GALNTL6: variants seen among roughly 807,000 people sequenced by gnomAD.
GALNTL6 encodes the protein polypeptide N-acetylgalactosaminyltransferase-like 6.
In GALNTL6, 46 loss-of-function variants were observed where a neutral mutation model predicts 73.7. The ratio of observed to expected loss-of-function variants is 0.62; its 90% confidence interval spans 0.49 to 0.80. GALNTL6 has a LOEUF of 0.80. Ranked by LOEUF, GALNTL6 falls within the 30% of genes least tolerant of loss-of-function variation. The pLI, the probability that GALNTL6 is intolerant of heterozygous loss-of-function variation, is 0.00. For synonymous variants in GALNTL6, 259 were observed against 263.7 expected, an observed-to-expected ratio of 0.98 and a Z score of 0.17; for missense variants, 604 against 755.0, an observed-to-expected ratio of 0.80 and a Z score of 2.34.
At chr4:173,008,698 A>G (rs2126491458) in intron 10 of GALNTL6, among the ~76,000 whole-genome samples, 1 of 152,364 alleles carries the variant, frequency 6.6e-6, no homozygotes, top group South Asian at 2.1e-4. Flanking sequence ...AGGTCATGGG[A>G]CAGGGAGATG....
chr4:171,867,300 G>T, intron 2 of GALNTL6, among the ~76,000 whole-genome samples: 1 of 152,050 alleles, frequency 6.6e-6, no homozygotes, highest in East Asian at 1.9e-4. Flanking sequence ...TGACAAAAGG[G>T]CCCTAAAGGT....
chr4:172,405,581 T>C (rs1273622955), intron 5 of GALNTL6, among the ~76,000 whole-genome samples: 2 of 151,592 alleles, frequency 1.3e-5, no homozygotes, highest in Non-Finnish European at 2.9e-5. Context: ...TAGGGTTTTT[T>C]ATTCTAATGA....
intron 8 of GALNTL6, among the ~76,000 whole-genome samples, chr4:172,926,553 G>A (rs1490589757): frequency 6.6e-6 from 1 of 152,158 alleles, no homozygotes; most frequent in Admixed American, 6.6e-5. Flanking sequence ...CCCACATCTT[G>A]TCCTCACTTA....
intron 2 of GALNTL6, among the ~76,000 whole-genome samples, chr4:171,922,220 C>T (rs868006878): frequency 6.6e-6 from 1 of 151,934 alleles, no homozygotes; most frequent in African/African-American, 2.4e-5. Context: ...AAGAAATTCC[C>T]ATTTCTAAAT....
At chr4:171,851,775 A>G (rs950502032) in intron 2 of GALNTL6, among the ~76,000 whole-genome samples, 9 of 152,182 alleles carry the variant, frequency 5.9e-5, no homozygotes, top group Non-Finnish European at 1.3e-4. Context: ...AGGCCATTGC[A>G]ATTTTATTTT....
intron 5 of GALNTL6, among the ~76,000 whole-genome samples, chr4:172,579,331 C>G (rs1185605804): frequency 6.6e-6 from 1 of 152,110 alleles, no homozygotes; most frequent in Non-Finnish European, 1.5e-5. Context: ...AGTGATGTGA[C>G]CAACTGACAT....
At chr4:172,003,245 T>C (rs961595720) in intron 2 of GALNTL6, among the ~76,000 whole-genome samples, 3 of 152,148 alleles carry the variant, frequency 2.0e-5, no homozygotes, top group Non-Finnish European at 4.4e-5. Context: ...TATTTGAAAT[T>C]ATTACCATGA....
Position 172,529,863 on chromosome 4 carries a change from T to TTTTATTTA in GALNTL6, c.553+181204_553+181211dup, listed in dbSNP as rs369219302. Among the ~76,000 whole-genome samples, 305 of 138,686 alleles carry TTTTATTTA rather than the reference T, an allele frequency of 2.2e-3. 1 individual carries two copies. Among genetic ancestry groups the TTTTATTTA allele is most frequent in the African/African-American group, 7.8e-3 (284 of 36,454 alleles). The allele number at this position is 138,686 out of a possible 152,430, so 91.0% of individuals were successfully genotyped here. A position where few individuals can be genotyped will look rare whatever the true frequency, so the allele number is the denominator to read the frequency against. ...ACCACATCTGGCTAATTTATTTTTA[T>TTTTATTTA]TTTATTTATTTATTTATTTATTTAT... On this transcript the variant is annotated intron_variant, in intron 5 of 12. Transcript: ENST00000506823.
chr4:172,340,320 C>T (rs1328105588), intron 4 of GALNTL6, among the ~76,000 whole-genome samples: 1 of 151,950 alleles, frequency 6.6e-6, no homozygotes, highest in Non-Finnish European at 1.5e-5. Flanking sequence ...ATTGAACCAC[C>T]CTTGCATCCC....
intron 7 of GALNTL6, among the ~76,000 whole-genome samples, chr4:172,855,201 A>AC (rs1935236919): frequency 6.6e-6 from 1 of 151,440 alleles, no homozygotes; most frequent in African/African-American, 2.4e-5. Flanking sequence ...GAGGTGAAAA[A>AC]AAAAAAAAAA....
intron 5 of GALNTL6, among the ~76,000 whole-genome samples, chr4:172,677,519 G>A (rs1434387259): frequency 4.6e-5 from 7 of 152,166 alleles, no homozygotes; most frequent in Admixed American, 4.6e-4. Context: ...AGCAGACGAT[G>A]GTTCTAGTCT....
intron 5 of GALNTL6, among the ~76,000 whole-genome samples, chr4:172,591,380 A>G (rs1737629946): frequency 6.6e-6 from 1 of 151,290 alleles, no homozygotes; most frequent in Non-Finnish European, 1.5e-5. Flanking sequence ...ACTCAACCAG[A>G]TATGTTCCCA....
chr4:171,918,727 G>A (rs890649805), intron 2 of GALNTL6, among the ~76,000 whole-genome samples: 22 of 152,076 alleles, frequency 1.4e-4, no homozygotes, highest in South Asian at 6.2e-4. Context: ...CGCAACAGCC[G>A]AGATGTGGAA....
At chr4:172,236,247 C>T (rs994479610) in intron 3 of GALNTL6, among the ~76,000 whole-genome samples, 3 of 152,096 alleles carry the variant, frequency 2.0e-5, no homozygotes, top group Non-Finnish European at 1.5e-5. Flanking sequence ...GAAACTCCTT[C>T]CCAATGAAAT....
chr4:171,814,471 C>A lies in GALNTL6; in HGVS notation c.-110C>A. 1.7e-6 allele frequency: 2 copies of A among 1,195,348 alleles called. No individual in the cohort carries two copies. Among genetic ancestry groups the A allele is most frequent in the Non-Finnish European group, 2.4e-6 (2 of 838,416 alleles). 74.0% of individuals were successfully genotyped at this position (1,195,348 alleles called of 1,614,324 possible). A position where few individuals can be genotyped will look rare whatever the true frequency, so the allele number is the denominator to read the frequency against. ...CTGAGCACGCAACAAAAGTTTGTAG[C>A]TTCTCAGTTTCTGGTGCTTCGCAGG... is the stretch of plus-strand genomic sequence containing the variant. On this transcript the variant is annotated 5_prime_UTR_variant, in exon 2 of 13. Transcript: ENST00000506823.
chr4:172,156,191 ACCTTGACAGCTT>A (rs1734254908), intron 2 of GALNTL6, among the ~76,000 whole-genome samples: 1 of 152,040 alleles, frequency 6.6e-6, no homozygotes, highest in South Asian at 2.1e-4. Flanking sequence ...GCTACGTAGT[ACCTTGACAGCTT>A]CCTTTTCGAT....
At chr4:172,701,613 G>A (rs545133608) in intron 5 of GALNTL6, among the ~76,000 whole-genome samples, 85 of 152,142 alleles carry the variant, frequency 5.6e-4, no homozygotes, top group African/African-American at 2.0e-3. Context: ...AGGGGCTGGT[G>A]GCGATTTCTA....
At position 172,988,769 on chromosome 4, in the gene GALNTL6, G is replaced by C. The variant is rs539368182; in HGVS notation, c.1372-20409G>C. The stretch of plus-strand genomic sequence containing the variant: ...TCTCCAGCTCCTGCTATAGCTAAAA[G>C]GGCCCCAGATAGGTCTCAGGCCACT... On this transcript the variant is annotated intron_variant, in intron 10 of 12. Transcript: ENST00000506823. Among the ~76,000 whole-genome samples, 3 of 152,336 alleles carry C rather than the reference G, an allele frequency of 2.0e-5. No homozygotes were observed. In the East Asian group the frequency reaches 5.8e-4, roughly 29 times the overall value.
At chr4:172,111,414 T>C (rs1366829681) in intron 2 of GALNTL6, among the ~76,000 whole-genome samples, 2 of 152,154 alleles carry the variant, frequency 1.3e-5, no homozygotes, top group Middle Eastern at 3.4e-3. Flanking sequence ...AAATTATTTT[T>C]AGTTTTATTT....
Sources: allele counts gnomAD v4.1 joint callset (sites outside exome capture counted in the v4.1 genomes callset), GRCh38; gene constraint gnomAD v4.1.1; transcripts MANE v1.5; gene names NCBI Gene and HGNC (gene_info 2026-07-23, HGNC 2026-07-21).